NF1: variants seen among roughly 807,000 people sequenced by gnomAD.
The protein encoded by NF1 is neurofibromin.
Under a neutral mutation model 325.7 loss-of-function variants are expected in NF1, and 122 were observed. That is an observed-to-expected ratio of 0.37 (90% CI 0.32 to 0.44). NF1 has a LOEUF of 0.44. Ranked by LOEUF, NF1 falls within the 20% of genes least tolerant of loss-of-function variation. The pLI is 1.00. For synonymous variants in NF1, 1,091 were observed against 1,186.0 expected, an observed-to-expected ratio of 0.92 and a Z score of 1.65; for missense variants, 2,140 against 3,415.4, an observed-to-expected ratio of 0.63 and a Z score of 9.31.
chr17:31,340,744 C>T (rs2069798732), intron 47 of NF1, 99 bp downstream of exon 47: 2 of 1,239,686 alleles, frequency 1.6e-6, no homozygotes, highest in Non-Finnish European at 1.2e-6. Flanking sequence ...AAGTCCATAA[C>T]TTAAGTAGGA....
intron 36 of NF1, chr17:31,320,939 C>T (rs556560113): frequency 3.9e-5 from 6 of 152,796 alleles, no homozygotes; most frequent in South Asian, 2.0e-4. Context: ...TATTGGTACA[C>T]ATTTTAACAG....
Position 31,235,994 on chromosome 17 carries a change from A to C in NF1, c.3947A>C (p.His1316Pro), listed in dbSNP as rs751023085. The C allele has an allele frequency of 6.2e-7, 1 of 1,613,874 alleles. No individual in the cohort carries two copies. Among genetic ancestry groups the C allele is most frequent in the Non-Finnish European group, 8.5e-7 (1 of 1,179,942 alleles). The change falls in exon 29 of 58, where the codon CAT (histidine) becomes CCT (proline). Residue 1316 changes from histidine (H) to proline (P), a missense_variant. By Grantham distance (77) the His-to-Pro change is moderately conservative (BLOSUM62 -2). Coordinates refer to ENST00000358273, the MANE Select transcript of NF1 (RefSeq NM_001042492.3). Reference protein sequence around the residue: ...RIVITSSDWQHVSFEVDPTRL... With the variant: ...RIVITSSDWQPVSFEVDPTRL... ...GTGATCACATCCTCTGATTGGCAAC[A>C]TGTTAGCTTTGAAGTGGATCCTACC...
At chr17:31,330,580 G>A (rs895346224) in intron 39 of NF1, 82 bp downstream of exon 39, 5 of 1,086,738 alleles carry the variant, frequency 4.6e-6, no homozygotes, top group East Asian at 2.5e-5. Flanking sequence ...GAATTTTCCA[G>A]TGAAGACTTT....
At chr17:31,369,585 T>C (rs1286010502) in intron 57 of NF1, among the ~76,000 whole-genome samples, 1 of 152,204 alleles carries the variant, frequency 6.6e-6, no homozygotes, top group Non-Finnish European at 1.5e-5. Context: ...TGTAGTTTTG[T>C]CTGTTTGTTG....
chr17:31,289,141 T>A (rs952520795), intron 36 of NF1, among the ~76,000 whole-genome samples: 1 of 152,084 alleles, frequency 6.6e-6, no homozygotes, highest in Admixed American at 6.5e-5. Context: ...TGAGTAGGGT[T>A]TGAGAGGGCA....
chr17:31,256,388 C>T (rs541001160), intron 31 of NF1, among the ~76,000 whole-genome samples: 1 of 152,222 alleles, frequency 6.6e-6, no homozygotes, highest in Admixed American at 6.5e-5. Context: ...ATCTGCCCGC[C>T]TCGGCCTCCC....
intron 1 of NF1, among the ~76,000 whole-genome samples, chr17:31,103,085 C>T (rs1163875947): frequency 6.6e-6 from 1 of 152,132 alleles, no homozygotes; most frequent in Non-Finnish European, 1.5e-5. Context: ...AAACAATCCA[C>T]CTGCCTCAGC....
chr17:31,199,299 G>T (rs866121673), intron 8 of NF1, among the ~76,000 whole-genome samples: 9 of 151,998 alleles, frequency 5.9e-5, no homozygotes, highest in African/African-American at 2.2e-4. Context: ...TTTATCTCAC[G>T]TTGGTTTCTA....
At chr17:31,168,285 C>G (rs1440942928) in intron 4 of NF1, among the ~76,000 whole-genome samples, 2 of 152,138 alleles carry the variant, frequency 1.3e-5, no homozygotes, top group Non-Finnish European at 2.9e-5. Context: ...CCCCAGACAT[C>G]ATTTCACCTG....
At chr17:31,289,662 G>A (rs192999246) in intron 36 of NF1, among the ~76,000 whole-genome samples, 51 of 151,858 alleles carry the variant, frequency 3.4e-4, no homozygotes, top group Non-Finnish European at 5.3e-4. Context: ...TATTTTTATT[G>A]GCCAGATATT....
chr17:31,214,768 T>A (rs2143962569), intron 13 of NF1, among the ~76,000 whole-genome samples, 183 bp downstream of exon 13: 1 of 152,314 alleles, frequency 6.6e-6, no homozygotes, highest in East Asian at 1.9e-4. Context: ...TATAATTAGA[T>A]CAGATTCTTA....
Position 31,375,864 on chromosome 17 carries a change from A to G in NF1, c.*1709A>G, listed in dbSNP as rs1434510030. Reference sequence around the variant, plus strand: ...AATTTAATTTTTTAAATTTGTTTACAGTCCTGGGAAAAGTAAGAATTATTT... The same window carrying G: ...AATTTAATTTTTTAAATTTGTTTACGGTCCTGGGAAAAGTAAGAATTATTT... On this transcript the variant is annotated 3_prime_UTR_variant, in exon 58 of 58. Coordinates refer to ENST00000358273, the MANE Select transcript of NF1 (RefSeq NM_001042492.3). The G allele has an allele frequency of 1.3e-5, 3 of 232,572 alleles. No homozygotes were observed. Among genetic ancestry groups the G allele is most frequent in the Admixed American group, 5.6e-5 (1 of 17,760 alleles). The allele number at this position is 232,572 out of a possible 1,614,324, so 14.4% of individuals were successfully genotyped here.
intron 1 of NF1, among the ~76,000 whole-genome samples, chr17:31,098,660 G>A (rs576866619): frequency 2.5e-4 from 38 of 152,306 alleles, no homozygotes; most frequent in African/African-American, 8.7e-4. Flanking sequence ...TTGGCCGGGC[G>A]CGGCGGCTCA....
chr17:31,346,059 G>C, intron 48 of NF1: 1 of 1,612,636 alleles, frequency 6.2e-7, no homozygotes, highest in Non-Finnish European at 8.5e-7. Flanking sequence ...GGCAAAGCCA[G>C]TCATTGAATT....
rs765778199 is a variant in NF1, at chr17:31,156,054, C to A, written c.132C>A (p.Ile44=). The A allele has an allele frequency of 1.2e-6, 2 of 1,612,888 alleles. No homozygotes were observed. The highest frequency in any genetic ancestry group is 4.5e-5 in the East Asian group (2 of 44,780). Residue 44 remains isoleucine, a synonymous_variant, in exon 2 of 58, where the codon ATC becomes ATA. Transcript: ENST00000358273. ...VSTEHNKECL[I]NISKYKFSLV... ...CTGAGCACAACAAGGAATGTCTAAT[C>A]AATATTTCCAAATACAAGTTTTCTT... is the stretch of plus-strand genomic sequence containing the variant.
rs149355753 is a variant in NF1 at position 31,101,759 on chromosome 17, A to G, written c.60+6390A>G. Among the ~76,000 whole-genome samples, 439 of 151,410 alleles carry G rather than the reference A, an allele frequency of 2.9e-3. 3 individuals carry two copies. Among genetic ancestry groups the G allele is most frequent in the African/African-American group, 0.01 (424 of 41,156 alleles). On this transcript the variant is annotated intron_variant, in intron 1 of 57. Coordinates refer to ENST00000358273, the MANE Select transcript of NF1 (RefSeq NM_001042492.3). ...AGGTTGTTTCAGACTAAACTCTGCT[A>G]TCTCACTTCTTGGTATCCTTGTTAC... is the stretch of plus-strand genomic sequence containing the variant.
chr17:31,305,505 G>T, intron 36 of NF1: 1 of 1,614,160 alleles, frequency 6.2e-7, no homozygotes, highest in Non-Finnish European at 8.5e-7. Context: ...ATGTGAATAA[G>T]GTAGGCTGTG....
rs137972690 is a variant in NF1, at chr17:31,306,351, A to G, written c.4836-19469A>G. 9.0e-3 allele frequency among the ~76,000 whole-genome samples: 1,366 copies of G among 151,842 alleles called. 16 individuals carry two copies. The highest frequency in any genetic ancestry group is 0.027 in the Middle Eastern group (8 of 294). On this transcript the variant is annotated intron_variant, in intron 36 of 57. Coordinates refer to ENST00000358273, the MANE Select transcript of NF1 (RefSeq NM_001042492.3). ...TCCAGCCTACATCTTCTTTGTCCTA[A>G]TTCTATTTGTGTGACTTCTTGGTGG...
At chr17:31,209,958 CTCTT>C (rs2143935700) in intron 12 of NF1, among the ~76,000 whole-genome samples, 1 of 152,216 alleles carries the variant, frequency 6.6e-6, no homozygotes, top group South Asian at 2.1e-4. Flanking sequence ...TCTTTTAGCT[CTCTT>C]TAAAACTGTA....
Sources: allele counts gnomAD v4.1 joint callset (sites outside exome capture counted in the v4.1 genomes callset), GRCh38; gene constraint gnomAD v4.1.1; transcripts MANE v1.5; gene names NCBI Gene and HGNC (gene_info 2026-07-23, HGNC 2026-07-21).